POT1: variants seen among roughly 807,000 people sequenced by gnomAD.
POT1 encodes the protein protection of telomeres 1, also known as protection of telomeres protein 1.
In POT1, 47 loss-of-function variants were observed where a neutral mutation model predicts 78.5. The ratio of observed to expected loss-of-function variants is 0.60; its 90% CI spans 0.47 to 0.76. The LOEUF is 0.76. Ranked by LOEUF, POT1 falls within the 30% of genes least tolerant of loss-of-function variation. The pLI, the probability that POT1 is intolerant of heterozygous loss-of-function variation, is 0.00. For missense variants in POT1, 646 were observed against 749.9 expected (o/e 0.86, Z 1.62); for synonymous variants, 259 against 260.7 (o/e 0.99, Z 0.06).
At position 124,879,302 on chromosome 7, in the gene POT1, G is replaced by T. The variant is rs192089963; in HGVS notation, c.125-8261C>A. On this transcript the variant is annotated intron_variant, in intron 6 of 18. Transcript: ENST00000357628. ...GTCTGAGAAAAGAAACTACATCTTGGTCTATTGCAAGGTAGAAGCTGAAAG... is the reference window on the plus strand; with the variant it reads ...GTCTGAGAAAAGAAACTACATCTTGTTCTATTGCAAGGTAGAAGCTGAAAG... 1.2e-4 allele frequency among the ~76,000 whole-genome samples: 18 copies of T among 152,168 alleles called. No individual in the cohort carries two copies. The East Asian group carries it at 3.3e-3, about 28-fold the overall frequency.
chr7:124,928,628 A>G (rs1404049843), intron 2 of POT1, among the ~76,000 whole-genome samples, 187 bp downstream of exon 2: 1 of 152,240 alleles, frequency 6.6e-6, no homozygotes, highest in Admixed American at 6.5e-5. Flanking sequence ...CCAATGTTTC[A>G]CACACGAATT....
intron 7 of POT1, among the ~76,000 whole-genome samples, chr7:124,866,895 C>T (rs189313660): frequency 5.3e-5 from 8 of 152,296 alleles, no homozygotes; most frequent in Admixed American, 4.6e-4. Context: ...CTATACTTGC[C>T]TACAACTGAT....
Position 124,897,229 on chromosome 7 carries a change from AAG to A in POT1, c.-39-19_-39-18del, listed in dbSNP as rs1400336254. ...GACATAAACCTGAAGGAAAAAAAGA[AAG>A]AACTTATTTGTATACAGATAACCTC... is the stretch of plus-strand genomic sequence containing the variant. On this transcript the variant is annotated intron_variant, in intron 4 of 18. Transcript: ENST00000357628. The A allele has an allele frequency of 7.9e-7, 1 of 1,272,110 alleles. No individual in the cohort carries two copies. Among genetic ancestry groups the A allele is most frequent in the Non-Finnish European group, 1.1e-6 (1 of 902,114 alleles). The allele number at this position is 1,272,110 out of a possible 1,614,324, so 78.8% of individuals were successfully genotyped here.
chr7:124,870,777 A>T, intron 7 of POT1, 134 bp downstream of exon 7: 1 of 586,358 alleles, frequency 1.7e-6, no homozygotes, highest in Non-Finnish European at 2.5e-6. Flanking sequence ...TAATATTTAC[A>T]TTACTTCTTA....
At chr7:124,921,873 A>G (rs1348397534) in intron 2 of POT1, among the ~76,000 whole-genome samples, 2 of 152,066 alleles carry the variant, frequency 1.3e-5, no homozygotes, top group African/African-American at 2.4e-5. Flanking sequence ...GGCAGGAAAA[A>G]AAAATATTTC....
chr7:124,910,238 T>C (rs1796859160), intron 3 of POT1, among the ~76,000 whole-genome samples: 1 of 151,936 alleles, frequency 6.6e-6, no homozygotes, highest in Non-Finnish European at 1.5e-5. Context: ...TGAATGTTTT[T>C]AAATCATGAC....
intron 8 of POT1, among the ~76,000 whole-genome samples, chr7:124,862,063 C>A (rs1469428726): frequency 1.3e-5 from 2 of 152,066 alleles, no homozygotes; most frequent in Non-Finnish European, 2.9e-5. Flanking sequence ...GTTCTTTTTG[C>A]TTAGGATTGT....
At chr7:124,864,813 G>A (rs1318763053) in intron 7 of POT1, among the ~76,000 whole-genome samples, 1 of 151,936 alleles carries the variant, frequency 6.6e-6, no homozygotes, top group Non-Finnish European at 1.5e-5. Flanking sequence ...AATATTATTG[G>A]TTTTGCTTTA....
chr7:124,859,285 G>C (rs920519898), intron 8 of POT1, among the ~76,000 whole-genome samples, 173 bp from the exon 9 acceptor site: 31 of 152,062 alleles, frequency 2.0e-4, no homozygotes, highest in Non-Finnish European at 4.3e-4. Context: ...ATGAAATATG[G>C]GTAATGTGGA....
rs531956807 is a variant in POT1 at position 124,928,779 on chromosome 7, G to C, written c.-227+36C>G. Reference sequence around the variant, plus strand: ...ACACTTAAAAACTGCATTCCTTTTAGTAGGAAAAAGCATTCTGAGTTATAG... The same window carrying C: ...ACACTTAAAAACTGCATTCCTTTTACTAGGAAAAAGCATTCTGAGTTATAG... On this transcript the variant is annotated intron_variant, in intron 2 of 18. Transcript: ENST00000357628. 133 of 152,666 alleles carry C rather than the reference G, an allele frequency of 8.7e-4. 1 individual carries two copies. The highest frequency in any genetic ancestry group is 2.2e-4 in the Non-Finnish European group (15 of 67,994). The allele number at this position is 152,666 out of a possible 1,614,324, so 9.5% of individuals were successfully genotyped here.
chr7:124,908,614 A>G (rs1796820605), intron 3 of POT1, among the ~76,000 whole-genome samples: 1 of 94,862 alleles, frequency 1.1e-5, no homozygotes, highest in Non-Finnish European at 2.3e-5. Flanking sequence ...TTCAATATTC[A>G]TAGTTACATA....
At chr7:124,910,642 T>C (rs1052613002) in intron 3 of POT1, among the ~76,000 whole-genome samples, 6 of 152,094 alleles carry the variant, frequency 3.9e-5, no homozygotes, top group African/African-American at 1.2e-4. Context: ...TTATTTGCTA[T>C]TGAACTATGT....
intron 6 of POT1, among the ~76,000 whole-genome samples, chr7:124,889,665 CACTT>C (rs963093724): frequency 1.0e-3 from 154 of 147,718 alleles, no homozygotes; most frequent in African/African-American, 3.6e-3. Context: ...AGCCAATACT[CACTT>C]AGTCTCAAAA....
Position 124,853,028 on chromosome 7 carries a change from G to GT in POT1, c.812dup (p.Tyr271Ter). The GT allele has an allele frequency of 1.2e-6, 2 of 1,613,264 alleles. No individual in the cohort carries two copies. The highest frequency in any genetic ancestry group is 1.7e-6 in the Non-Finnish European group (2 of 1,179,380). The change falls in exon 10 of 19, where the codon TAC becomes TAAC. Residue 271 changes from tyrosine (Y) to a stop codon, truncating the protein, a stop_gained and frameshift_variant. Transcript: ENST00000357628. LOFTEE classifies it high-confidence loss of function. ...CTGGCAAGACCCTGATTCCCCGACC[G>GT]TAACTGGTACCTCCATGAAGATGAA... ...LEFHLHGGTS[Y>*]GRGIRVLPES...
intron 5 of POT1, 49 bp downstream of exon 5, chr7:124,897,116 T>C (rs776212472): frequency 8.1e-7 from 1 of 1,232,882 alleles, no homozygotes; most frequent in South Asian, 1.5e-5. Flanking sequence ...GTGTGTGGCA[T>C]ATACAGGTAT....
chr7:124,926,929 A>T (rs1445721730), intron 2 of POT1, among the ~76,000 whole-genome samples: 2 of 152,126 alleles, frequency 1.3e-5, no homozygotes, highest in Non-Finnish European at 1.5e-5. Context: ...TTGGAGGGGT[A>T]GGGGATTAGG....
chr7:124,852,236 CTA>C (rs1408389341), intron 10 of POT1, among the ~76,000 whole-genome samples: 2 of 152,024 alleles, frequency 1.3e-5, no homozygotes, highest in South Asian at 4.1e-4. Flanking sequence ...CAATCTAACT[CTA>C]GATTCAAGAA....
chr7:124,879,198 TG>T (rs1357457689), intron 6 of POT1, among the ~76,000 whole-genome samples: 1 of 152,124 alleles, frequency 6.6e-6, no homozygotes, highest in African/African-American at 2.4e-5. Flanking sequence ...TGAACAAAGA[TG>T]GGAGGCAAAT....
At position 124,839,489 on chromosome 7, in the gene POT1, C is replaced by T. The variant is rs553317814; in HGVS notation, c.1369+1484G>A. Among the ~76,000 whole-genome samples the T allele has an allele frequency of 3.4e-4, 52 of 152,230 alleles. No homozygotes were observed. In the South Asian group the frequency reaches 0.01, roughly 30 times the overall value. On this transcript the variant is annotated intron_variant, in intron 14 of 18. Transcript: ENST00000357628. ...TCTAAGAATGACTTTGTATTTATAT[C>T]GTTTTCTTTGGTTCATCTCTAAGTC...
Sources: allele counts gnomAD v4.1 joint callset (sites outside exome capture counted in the v4.1 genomes callset), GRCh38; gene constraint gnomAD v4.1.1; transcripts MANE v1.5; gene names NCBI Gene and HGNC (gene_info 2026-07-23, HGNC 2026-07-21).